The following PCDHA6 variants were observed in gnomAD, a reference collection of about 807,000 sequenced individuals.
The protein encoded by PCDHA6 is protocadherin alpha 6, also known as protocadherin alpha-6.
A neutral mutation model predicts 60.3 loss-of-function variants in PCDHA6; 55 were observed. That is an observed-to-expected ratio of 0.91 (90% CI 0.73 to 1.14). PCDHA6 has a LOEUF of 1.14. Among genes scored for constraint, PCDHA6 ranks in the 50% most tolerant of loss-of-function variants. The pLI, the probability that PCDHA6 is intolerant of heterozygous loss-of-function variation, is 0.00. For synonymous variants in PCDHA6, 652 were observed against 557.9 expected, an observed-to-expected ratio of 1.17 and a Z score of -2.38; for missense variants, 1,327 against 1,256.5, an observed-to-expected ratio of 1.06 and a Z score of -0.85.
intron 1 of PCDHA6, among the ~76,000 whole-genome samples, chr5:140,831,826 A>G (rs1029398204): frequency 6.6e-6 from 1 of 152,198 alleles, no homozygotes; most frequent in African/African-American, 2.4e-5. Context: ...GATAAACACT[A>G]GTTTCAATGA....
At chr5:140,842,234 C>T (rs2150332362) in intron 1 of PCDHA6, 8 of 1,612,528 alleles carry the variant, frequency 5.0e-6, no homozygotes, top group Admixed American at 1.7e-5. Context: ...AATAGTGATT[C>T]GGGGTAATTT....
At chr5:140,906,796 T>C (rs1021322398) in intron 1 of PCDHA6, among the ~76,000 whole-genome samples, 1 of 152,236 alleles carries the variant, frequency 6.6e-6, no homozygotes, top group African/African-American at 2.4e-5. Context: ...ATTCCATGCA[T>C]ACTCTTCCTT....
intron 1 of PCDHA6, among the ~76,000 whole-genome samples, chr5:140,893,672 T>G (rs1554185735): frequency 6.6e-6 from 1 of 152,216 alleles, no homozygotes; most frequent in African/African-American, 2.4e-5. Flanking sequence ...ATTTCAGCAC[T>G]TTGGATATAT....
intron 1 of PCDHA6, among the ~76,000 whole-genome samples, chr5:140,904,491 T>G (rs2071172626): frequency 6.6e-6 from 1 of 151,972 alleles, no homozygotes; most frequent in Non-Finnish European, 1.5e-5. Context: ...TGATTCCAAA[T>G]TTTTACAATT....
At chr5:140,985,648 C>G (rs185772569) in intron 3 of PCDHA6, among the ~76,000 whole-genome samples, 17 of 152,092 alleles carry the variant, frequency 1.1e-4, no homozygotes, top group African/African-American at 4.1e-4. Flanking sequence ...CCAACACTTG[C>G]AATGGCTGAA....
Position 140,858,511 on chromosome 5 carries a change from G to A in PCDHA6, c.2394+28026G>A. ...TCTCTTACCGCATTTTCTCAAATAT[G>A]TATCAGAATATTTCATTTTTGTCTA... On this transcript the variant is annotated intron_variant, in intron 1 of 3. Transcript: ENST00000529310. 5 of 1,433,712 alleles carry A rather than the reference G, an allele frequency of 3.5e-6. 1 individual carries two copies. The highest frequency in any genetic ancestry group is 4.8e-6 in the Non-Finnish European group (5 of 1,040,150). 88.8% of individuals were successfully genotyped at this position (1,433,712 alleles called of 1,614,324 possible).
chr5:141,005,959 A>G (rs1225421383), intron 3 of PCDHA6, among the ~76,000 whole-genome samples: 1 of 152,048 alleles, frequency 6.6e-6, no homozygotes, highest in African/African-American at 2.4e-5. Context: ...ACAAACAACA[A>G]TAAAAAAACA....
chr5:140,862,493 C>G, intron 1 of PCDHA6: 1 of 388,776 alleles, frequency 2.6e-6, no homozygotes, highest in East Asian at 6.9e-5. Flanking sequence ...GGTAATCGCT[C>G]GGAATGGGGA....
chr5:140,840,876 C>T (rs975693144), intron 1 of PCDHA6, among the ~76,000 whole-genome samples: 2 of 151,942 alleles, frequency 1.3e-5, no homozygotes, highest in Admixed American at 1.3e-4. Context: ...GGACAGTTTA[C>T]ATTTCTGATA....
intron 1 of PCDHA6, among the ~76,000 whole-genome samples, chr5:140,955,521 TC>T (rs2095199105): frequency 6.6e-6 from 1 of 152,142 alleles, no homozygotes; most frequent in Non-Finnish European, 1.5e-5. Context: ...TGCTTTCCCT[TC>T]CACCATGATT....
Position 140,875,940 on chromosome 5 carries a change from C to T in PCDHA6, c.2394+45455C>T, listed in dbSNP as rs782320801. ...TGGACTCTCATTTTCCTCTAGAGGG[C>T]GCTTCTGATGCGGATATCGGCGTAA... On this transcript the variant is annotated intron_variant, in intron 1 of 3. Transcript: ENST00000529310. 5.0e-6 allele frequency: 8 copies of T among 1,613,964 alleles called. No individual in the cohort carries two copies. In the South Asian group the frequency reaches 6.6e-5, roughly 13 times the overall value.
chr5:140,854,357 G>A (rs251358), intron 1 of PCDHA6: 79,269 of 162,662 alleles, frequency 0.49, 22,300 homozygotes, highest in South Asian at 0.62. Context: ...TAAAACAAAC[G>A]TTGATATTTT....
At position 140,877,378 on chromosome 5, in the gene PCDHA6, A is replaced by G; in HGVS notation, c.2394+46893A>G. 2 of 1,613,974 alleles carry G rather than the reference A, an allele frequency of 1.2e-6. No individual in the cohort carries two copies. Among genetic ancestry groups the G allele is most frequent in the South Asian group, 1.1e-5 (1 of 91,086 alleles). On this transcript the variant is annotated intron_variant, in intron 1 of 3. Transcript: ENST00000529310. ...CACTGGCGAGATCAGCACGACACGC[A>G]TCCTGGATGAGGCGGACGCTCCGCG...
At chr5:140,934,684 A>G (rs1026507859) in intron 1 of PCDHA6, among the ~76,000 whole-genome samples, 1 of 152,178 alleles carries the variant, frequency 6.6e-6, no homozygotes, top group African/African-American at 2.4e-5. Context: ...TATTCAAAAC[A>G]ATGAATTGAT....
intron 1 of PCDHA6, chr5:140,863,385 G>C: frequency 9.7e-7 from 1 of 1,030,864 alleles, no homozygotes; most frequent in Non-Finnish European, 1.4e-6. Context: ...CCGAGAGCTC[G>C]TGCATGCCGG....
chr5:140,830,469 A>G lies in PCDHA6; in HGVS notation c.2378A>G (p.Glu793Gly). 6.4e-7 allele frequency: 1 copy of G among 1,570,730 alleles called. No homozygotes were observed. The highest frequency in any genetic ancestry group is 8.7e-7 in the Non-Finnish European group (1 of 1,155,250). ...AAGGCGGAGAATCAGGATTTAAATGAAGATCATGATGCCAAAGTAAGTGAA... is the reference window on the plus strand; with the variant it reads ...AAGGCGGAGAATCAGGATTTAAATGGAGATCATGATGCCAAAGTAAGTGAA... The part of the protein sequence containing the change: ...MGKAENQDLN[E>G]DHDAKPRQPN... The change falls in exon 1 of 4, where the codon GAA (glutamate) becomes GGA (glycine). Residue 793 changes from glutamate to glycine, a missense_variant. By Grantham distance (98) the Glu-to-Gly change is moderately conservative. Coordinates refer to ENST00000529310, the MANE Select transcript of PCDHA6 (RefSeq NM_018909.4).
chr5:140,882,032 T>C (rs2058914811), intron 1 of PCDHA6: 2 of 623,536 alleles, frequency 3.2e-6, no homozygotes, highest in Non-Finnish European at 5.1e-6. Flanking sequence ...ATGGAAAATA[T>C]GAAGACTGAG....
At chr5:140,953,950 A>G (rs1458991224) in intron 1 of PCDHA6, among the ~76,000 whole-genome samples, 1 of 151,936 alleles carries the variant, frequency 6.6e-6, no homozygotes, top group Non-Finnish European at 1.5e-5. Flanking sequence ...TTGCTCCCCC[A>G]ACAGGCCCCA....
intron 1 of PCDHA6, chr5:140,847,546 A>C (rs1179862564): frequency 6.7e-6 from 1 of 149,632 alleles, no homozygotes; most frequent in African/African-American, 2.4e-5. Context: ...GCATAGCTTT[A>C]AAAACAGAAA....
Sources: gnomAD v4.1 joint callset for allele counts (sites outside exome capture counted in the v4.1 genomes callset) on GRCh38, gnomAD v4.1.1 for gene constraint, MANE v1.5 for transcripts, NCBI Gene and HGNC (gene_info 2026-07-23, HGNC 2026-07-21) for gene names.